The following BARX2 variants were observed in gnomAD, a reference collection of about 807,000 sequenced individuals.
BARX2 encodes the protein homeobox protein BarH-like 2.
A neutral mutation model predicts 25.5 loss-of-function variants in BARX2; 11 were observed. That is an observed-to-expected ratio of 0.43 (90% CI 0.27 to 0.71). The LOEUF is 0.71. Ranked by LOEUF, BARX2 falls within the 30% of genes least tolerant of loss-of-function variation. The probability of loss-of-function intolerance (pLI) is 0.19; values close to 1 mark genes in which losing one functional copy is unlikely to be tolerated. For missense variants in BARX2, 360 were observed against 359.9 expected (o/e 1.00, Z 0.00); for synonymous variants, 137 against 149.5 (o/e 0.92, Z 0.61).
intron 2 of BARX2, among the ~76,000 whole-genome samples, chr11:129,442,180 A>AT (rs1862268719): frequency 6.6e-6 from 1 of 152,198 alleles, no homozygotes; most frequent in Admixed American, 6.5e-5. Context: ...ATTAAGAAGT[A>AT]TTTTTTGAGC....
At chr11:129,380,466 C>T (rs1861551013) in intron 1 of BARX2, among the ~76,000 whole-genome samples, 1 of 152,028 alleles carries the variant, frequency 6.6e-6, no homozygotes, top group Non-Finnish European at 1.5e-5. Context: ...GGTGACTCTC[C>T]AAATCTCAGC....
At chr11:129,426,263 G>A (rs1009052210) in intron 1 of BARX2, among the ~76,000 whole-genome samples, 36 of 152,058 alleles carry the variant, frequency 2.4e-4, no homozygotes, top group African/African-American at 7.2e-4. Flanking sequence ...ATGGGGACAC[G>A]GTCATGGAAC....
At chr11:129,377,950 A>G (rs1861520672) in intron 1 of BARX2, among the ~76,000 whole-genome samples, 1 of 152,250 alleles carries the variant, frequency 6.6e-6, no homozygotes, top group Non-Finnish European at 1.5e-5. Context: ...GAGAATAGTC[A>G]TTCAGTCAGA....
chr11:129,417,923 A>G (rs1001136910), intron 1 of BARX2, among the ~76,000 whole-genome samples: 1 of 152,214 alleles, frequency 6.6e-6, no homozygotes, highest in Non-Finnish European at 1.5e-5. Flanking sequence ...GGCAGAAGAG[A>G]TCCTGCAGTT....
chr11:129,398,178 C>T (rs923361976), intron 1 of BARX2, among the ~76,000 whole-genome samples: 28 of 152,142 alleles, frequency 1.8e-4, no homozygotes, highest in South Asian at 2.1e-4. Flanking sequence ...TCTGTAGTTA[C>T]GTGGTTTTGG....
chr11:129,436,751 G>T lies in BARX2; in HGVS notation c.188G>T (p.Gly63Val), dbSNP rs759204876. ...VRPKPLHSCT[G>V]SPSLRAYPLL... ...ACCTGCCTCCCTGCTTGTTTTCCAG[G>T]CTCCCCTTCCCTGCGGGCATATCCG... Residue 63 changes from glycine to valine, a missense_variant and splice_region_variant, in exon 2 of 4, where the codon GGC becomes GTC. Coordinates refer to ENST00000281437, the MANE Select transcript of BARX2 (RefSeq NM_003658.5). This position sits in a 1 kb window ranked among gnomAD's most constrained non-coding sequence, Gnocchi z 4.5. 4 of 1,554,262 alleles carry T rather than the reference G, an allele frequency of 2.6e-6. No individual in the cohort carries two copies. Among genetic ancestry groups the T allele is most frequent in the Non-Finnish European group, 3.5e-6 (4 of 1,144,782 alleles).
chr11:129,375,297 C>G (rs530593886), upstream of BARX2, among the ~76,000 whole-genome samples: 3 of 152,078 alleles, frequency 2.0e-5, no homozygotes, highest in Non-Finnish European at 4.4e-5. The surrounding 1 kb of genome is among the most constrained non-coding windows in gnomAD (Gnocchi z 4.0). Context: ...AAACCGTCCA[C>G]GCGGGGAAGG....
chr11:129,386,112 C>T (rs953165144), intron 1 of BARX2, among the ~76,000 whole-genome samples: 1 of 152,138 alleles, frequency 6.6e-6, no homozygotes, highest in African/African-American at 2.4e-5. Context: ...TCCAGTAATG[C>T]TTTGGCATAG....
At chr11:129,419,589 G>A (rs1170629371) in intron 1 of BARX2, among the ~76,000 whole-genome samples, 1 of 152,180 alleles carries the variant, frequency 6.6e-6, no homozygotes, top group Non-Finnish European at 1.5e-5. Context: ...AAGGATGTAT[G>A]TGCAAAGTCC....
chr11:129,421,475 G>T (rs992914614), intron 1 of BARX2, among the ~76,000 whole-genome samples: 1 of 152,158 alleles, frequency 6.6e-6, no homozygotes, highest in Non-Finnish European at 1.5e-5. Context: ...ACCCCTGTGT[G>T]CATTGGATGC....
At chr11:129,404,754 G>C in intron 1 of BARX2, among the ~76,000 whole-genome samples, 1 of 152,180 alleles carries the variant, frequency 6.6e-6, no homozygotes, top group East Asian at 1.9e-4. Flanking sequence ...ATTCCGACAG[G>C]TGCCCTTGCA....
At chr11:129,401,644 C>G (rs1242745250) in intron 1 of BARX2, among the ~76,000 whole-genome samples, 1 of 152,086 alleles carries the variant, frequency 6.6e-6, no homozygotes, top group Non-Finnish European at 1.5e-5. Flanking sequence ...TAGGTAGAGA[C>G]TTGTGATAAG....
rs756178990 is a variant in BARX2 at position 129,376,242 on chromosome 11, GA to G, written c.187+21del. ...GTACGGGTAAGACGCTCCGCTAGGG[GA>G]TAAGTGGGGTTCGGTAGCTTTCACG... On this transcript the variant is annotated intron_variant, in intron 1 of 3. Transcript: ENST00000281437. The surrounding 1 kb of genome is among the most constrained non-coding windows in gnomAD (Gnocchi z 4.2). The G allele has an allele frequency of 5.7e-6, 9 of 1,582,286 alleles. No individual in the cohort carries two copies. Among genetic ancestry groups the G allele is most frequent in the Non-Finnish European group, 6.9e-6 (8 of 1,164,096 alleles).
intron 1 of BARX2, among the ~76,000 whole-genome samples, chr11:129,429,005 G>GT (rs1264001094): frequency 1.6e-5 from 2 of 123,930 alleles, no homozygotes; most frequent in Non-Finnish European, 3.2e-5. Context: ...ATTAGAAGTT[G>GT]TGTTTTTTTT....
intron 1 of BARX2, among the ~76,000 whole-genome samples, chr11:129,378,577 T>TC (rs1695489564): frequency 6.8e-6 from 1 of 147,812 alleles, no homozygotes; most frequent in African/African-American, 2.5e-5. Context: ...TTTTTTTTTT[T>TC]TTTTTTGCTA....
At chr11:129,412,408 G>A (rs961586907) in intron 1 of BARX2, among the ~76,000 whole-genome samples, 1 of 152,214 alleles carries the variant, frequency 6.6e-6, no homozygotes, top group African/African-American at 2.4e-5. Flanking sequence ...AGCCTGGGAG[G>A]GTTCTCGGCT....
chr11:129,431,948 TA>T (rs1235307996), intron 1 of BARX2, among the ~76,000 whole-genome samples: 2 of 151,752 alleles, frequency 1.3e-5, no homozygotes, highest in African/African-American at 4.8e-5. Flanking sequence ...AGTGAATTTT[TA>T]AAATAATTTA....
intron 1 of BARX2, among the ~76,000 whole-genome samples, chr11:129,408,301 C>T (rs1034388014): frequency 6.6e-6 from 1 of 152,088 alleles, no homozygotes; most frequent in Non-Finnish European, 1.5e-5. Context: ...CAATACATTA[C>T]TTTTTTTGTG....
chr11:129,411,171 A>G (rs1861882464), intron 1 of BARX2, among the ~76,000 whole-genome samples: 1 of 152,074 alleles, frequency 6.6e-6, no homozygotes, highest in Non-Finnish European at 1.5e-5. Context: ...AGAGTTCGAG[A>G]CCATCCTGGC....
Sources: allele counts gnomAD v4.1 joint callset (sites outside exome capture counted in the v4.1 genomes callset), GRCh38; gene constraint gnomAD v4.1.1; non-coding constraint Gnocchi (gnomAD v3.1); transcripts MANE v1.5; gene names NCBI Gene and HGNC (gene_info 2026-07-23, HGNC 2026-07-21).